The following GALNT17 variants were observed in gnomAD, a reference collection of about 807,000 sequenced individuals.
The protein encoded by GALNT17 is UDP-GalNAc:polypeptide N-acetylgalactosaminyltransferase-like 3.
GALNT17 carries 29 observed loss-of-function variants against 63.7 expected under a neutral mutation model. The ratio of observed to expected loss-of-function variants is 0.46; its 90% confidence interval spans 0.34 to 0.62. The LOEUF (loss-of-function observed/expected upper bound fraction) is 0.62, where lower values mean the gene tolerates loss of function less well. Among genes scored for constraint, GALNT17 ranks in the 20% least tolerant of loss-of-function variants. The pLI is 0.01. For synonymous variants in GALNT17, 305 were observed against 318.3 expected, an observed-to-expected ratio of 0.96 and a Z score of 0.45; for missense variants, 603 against 799.6, an observed-to-expected ratio of 0.75 and a Z score of 2.97.
chr7:71,596,443 C>T (rs1231697460), intron 6 of GALNT17, among the ~76,000 whole-genome samples: 2 of 151,996 alleles, frequency 1.3e-5, no homozygotes, highest in African/African-American at 4.8e-5. Flanking sequence ...AAAGGATTAT[C>T]GATAAACAGT....
At chr7:71,242,896 G>A (rs1216406947) in intron 1 of GALNT17, among the ~76,000 whole-genome samples, 1 of 152,194 alleles carries the variant, frequency 6.6e-6, no homozygotes, top group African/African-American at 2.4e-5. Flanking sequence ...GTTCATTGCA[G>A]GTGTACTTTA....
intron 2 of GALNT17, among the ~76,000 whole-genome samples, chr7:71,364,065 A>G (rs142349237): frequency 4.6e-4 from 70 of 152,276 alleles, no homozygotes; most frequent in African/African-American, 1.6e-3. Context: ...ATTTGGTTAC[A>G]TGAGTAGGTT....
intron 9 of GALNT17, among the ~76,000 whole-genome samples, chr7:71,689,790 T>C (rs1791414277): frequency 6.6e-6 from 1 of 152,220 alleles, no homozygotes; most frequent in African/African-American, 2.4e-5. Context: ...CTTTCCCACA[T>C]AGAGAGGAGA....
chr7:71,577,794 A>G (rs573397016), intron 6 of GALNT17, among the ~76,000 whole-genome samples: 1 of 152,168 alleles, frequency 6.6e-6, no homozygotes, highest in South Asian at 2.1e-4. Flanking sequence ...GAGCCATTCC[A>G]TTTCTCTGAG....
chr7:71,267,613 T>A (rs946853560), intron 1 of GALNT17, among the ~76,000 whole-genome samples: 1 of 152,226 alleles, frequency 6.6e-6, no homozygotes, highest in African/African-American at 2.4e-5. Context: ...GTGAACCTGC[T>A]TTGTCTCCTG....
intron 5 of GALNT17, among the ~76,000 whole-genome samples, chr7:71,428,513 A>C (rs149676704): frequency 0.011 from 1,687 of 152,144 alleles, 38 homozygotes; most frequent in African/African-American, 0.038. Flanking sequence ...GATCTTGGCT[A>C]ACTGCAACCT....
chr7:71,671,298 C>T (rs940802386), intron 8 of GALNT17, among the ~76,000 whole-genome samples: 6 of 152,148 alleles, frequency 3.9e-5, no homozygotes, highest in African/African-American at 1.4e-4. Context: ...GGCTGAGACA[C>T]CCCATTAGCT....
chr7:71,686,058 G>C (rs184167286), intron 9 of GALNT17, among the ~76,000 whole-genome samples: 1 of 144,924 alleles, frequency 6.9e-6, no homozygotes, highest in African/African-American at 2.6e-5. Flanking sequence ...GCGTTCAAGC[G>C]ATTCTCCTGC....
At chr7:71,211,686 A>G (rs1789380688) in intron 1 of GALNT17, among the ~76,000 whole-genome samples, 1 of 152,200 alleles carries the variant, frequency 6.6e-6, no homozygotes, top group Non-Finnish European at 1.5e-5. Flanking sequence ...TATATGGACA[A>G]TAAGGTCCAG....
chr7:71,544,245 C>T (rs1788943425), intron 5 of GALNT17, among the ~76,000 whole-genome samples: 1 of 151,118 alleles, frequency 6.6e-6, no homozygotes, highest in South Asian at 2.1e-4. Context: ...CATTCTCCTG[C>T]CTCAGCCTCC....
chr7:71,143,777 C>T (rs533735999), intron 1 of GALNT17, among the ~76,000 whole-genome samples: 34 of 151,942 alleles, frequency 2.2e-4, no homozygotes, highest in East Asian at 2.1e-3. Flanking sequence ...CGGTGGCTCA[C>T]GCCTGTAATC....
intron 5 of GALNT17, among the ~76,000 whole-genome samples, chr7:71,429,979 T>C (rs915876983): frequency 2.0e-5 from 3 of 152,110 alleles, no homozygotes; most frequent in Non-Finnish European, 4.4e-5. Flanking sequence ...AGTGCTGGGA[T>C]TACATACGTG....
At chr7:71,639,021 G>A (rs1195041540) in intron 6 of GALNT17, among the ~76,000 whole-genome samples, 1 of 152,134 alleles carries the variant, frequency 6.6e-6, no homozygotes, top group African/African-American at 2.4e-5. Context: ...CCTACTATTG[G>A]ATAGCACGAC....
Position 71,177,184 on chromosome 7 carries a change from A to T in GALNT17, c.238+44144A>T, listed in dbSNP as rs540135439. On this transcript the variant is annotated intron_variant, in intron 1 of 10. Transcript: ENST00000333538. ...TGTTCGAGGACATTTACAGACACTG[A>T]TCTCTCTTGGTATCCAAATCAAACT... Among the ~76,000 whole-genome samples, 4 of 152,158 alleles carry T rather than the reference A, an allele frequency of 2.6e-5. No homozygotes were observed. In the East Asian group the frequency reaches 7.7e-4, roughly 29 times the overall value.
intron 2 of GALNT17, among the ~76,000 whole-genome samples, chr7:71,377,114 A>AAAAAAAAAATATATATATAT: frequency 3.5e-5 from 2 of 57,486 alleles, no homozygotes; most frequent in East Asian, 4.6e-4. Context: ...AAATAAAAAA[A>AAAAAAAAAATATATATATAT]ATATATATAT....
intron 9 of GALNT17, among the ~76,000 whole-genome samples, chr7:71,709,763 T>C (rs1791766743): frequency 6.6e-6 from 1 of 152,038 alleles, no homozygotes; most frequent in Non-Finnish European, 1.5e-5. Context: ...CACACCCAGC[T>C]GATTTTTGTA....
Position 71,484,031 on chromosome 7 carries a change from C to T in GALNT17, c.962+62926C>T, listed in dbSNP as rs114978299. Among the ~76,000 whole-genome samples the T allele has an allele frequency of 2.0e-3, 304 of 152,232 alleles. 3 individuals carry two copies. The highest frequency in any genetic ancestry group is 7.2e-3 in the African/African-American group (297 of 41,534). ...AACACACGCATGGAGCTGTCATCTC[C>T]TATGATAACAATGTATTTTTCTTGA... is the stretch of plus-strand genomic sequence containing the variant. On this transcript the variant is annotated intron_variant, in intron 5 of 10. Coordinates refer to ENST00000333538, the MANE Select transcript of GALNT17 (RefSeq NM_022479.3).
chr7:71,294,931 G>A lies in GALNT17; in HGVS notation c.239-40619G>A, dbSNP rs150194203. Among the ~76,000 whole-genome samples the A allele has an allele frequency of 1.2e-3, 185 of 152,156 alleles. 3 individuals carry two copies. In the East Asian group the frequency reaches 0.033, roughly 27 times the overall value. ...TTAATCCCCTCTCTCCTGATGCTGCGATAGTCTGCATTAATGTTGAAGCTT... is the reference window on the plus strand; with the variant it reads ...TTAATCCCCTCTCTCCTGATGCTGCAATAGTCTGCATTAATGTTGAAGCTT... On this transcript the variant is annotated intron_variant, in intron 1 of 10. Transcript: ENST00000333538.
Position 71,132,933 on chromosome 7 carries a change from C to T in GALNT17, c.131C>T (p.Pro44Leu), listed in dbSNP as rs772102107. 8 of 1,611,402 alleles carry T rather than the reference C, an allele frequency of 5.0e-6. No homozygotes were observed. In the Admixed American group the frequency reaches 1.2e-4, roughly 24 times the overall value. The stretch of plus-strand genomic sequence containing the variant: ...GGAGACGCCTTCCACGAGATCCGGC[C>T]GCGCGCCGAGGTGGCCAACCTCAGC... ...RSGDAFHEIR[P>L]RAEVANLSAH... Residue 44 changes from proline to leucine, a missense_variant, in exon 1 of 11, where the codon CCG becomes CTG. Coordinates refer to ENST00000333538, the MANE Select transcript of GALNT17 (RefSeq NM_022479.3).
Sources: allele counts gnomAD v4.1 joint callset (sites outside exome capture counted in the v4.1 genomes callset), GRCh38; gene constraint gnomAD v4.1.1; transcripts MANE v1.5; gene names NCBI Gene and HGNC (gene_info 2026-07-23, HGNC 2026-07-21).